Variants in GMDS observed in about 807,000 individuals in gnomAD.
GMDS encodes the protein GDP-mannose 4,6 dehydratase.
A neutral mutation model predicts 49.9 loss-of-function variants in GMDS; 20 were observed. That is an observed-to-expected ratio of 0.40 (90% confidence interval 0.28 to 0.58). GMDS has a LOEUF of 0.58. Ranked by LOEUF, GMDS falls within the 20% of genes least tolerant of loss-of-function variation. GMDS has a pLI of 0.42. For synonymous variants in GMDS, 177 were observed against 178.6 expected (o/e 0.99, Z 0.07); for missense variants, 362 against 481.4 (o/e 0.75, Z 2.32).
At chr6:1,671,629 GC>G (rs1350661531) in intron 9 of GMDS, among the ~76,000 whole-genome samples, 1 of 151,358 alleles carries the variant, frequency 6.6e-6, no homozygotes, top group African/African-American at 2.4e-5. Flanking sequence ...TAAGGTTGGT[GC>G]AAAAGTAATC....
rs56167840 is a variant in GMDS at position 1,888,134 on chromosome 6, A to ATTT, written c.771+41966_771+41968dup. On this transcript the variant is annotated intron_variant, in intron 7 of 10. Coordinates refer to ENST00000380815, the MANE Select transcript of GMDS (RefSeq NM_001500.4). ...TGGCTATTTTTTTATTATTATTATT[A>ATTT]TTTTTTTTTTTTTTTTGAAGAGATG... is the stretch of plus-strand genomic sequence containing the variant. 6.1e-3 allele frequency among the ~76,000 whole-genome samples: 864 copies of ATTT among 140,508 alleles called. 11 individuals are homozygous for ATTT. Among genetic ancestry groups the ATTT allele is most frequent in the Non-Finnish European group, 9.1e-3 (590 of 64,974 alleles). The allele number at this position is 140,508 out of a possible 152,430, so 92.2% of individuals were successfully genotyped here. A position where few individuals can be genotyped will look rare whatever the true frequency, so the allele number is the denominator to read the frequency against.
At chr6:2,166,361 A>G (rs888711623) in intron 1 of GMDS, among the ~76,000 whole-genome samples, 3 of 152,232 alleles carry the variant, frequency 2.0e-5, no homozygotes, top group Non-Finnish European at 2.9e-5. Flanking sequence ...AATGGCTGTC[A>G]GTTTCTGTGC....
rs1197523577 is a variant in GMDS at position 1,819,760 on chromosome 6, C to CAAA, written c.772-77177_772-77175dup. ...TAGGCAATAAAGTGAGACTCTGCCT[C>CAAA]AAAAAAAAAAAAAAAAATATATATA... On this transcript the variant is annotated intron_variant, in intron 7 of 10. Transcript: ENST00000380815. 2.9e-3 allele frequency among the ~76,000 whole-genome samples: 321 copies of CAAA among 111,318 alleles called. 1 individual carries two copies. The highest frequency in any genetic ancestry group is 0.019 in the Middle Eastern group (4 of 208). The allele number at this position is 111,318 out of a possible 152,430, so 73.0% of individuals were successfully genotyped here.
At chr6:2,148,942 G>A (rs1000526208) in intron 1 of GMDS, among the ~76,000 whole-genome samples, 1 of 152,128 alleles carries the variant, frequency 6.6e-6, no homozygotes, top group Non-Finnish European at 1.5e-5. Flanking sequence ...TACCCTAGAG[G>A]TACAACATGC....
intron 7 of GMDS, among the ~76,000 whole-genome samples, chr6:1,835,272 T>C (rs1468329447): frequency 6.6e-6 from 1 of 151,862 alleles, no homozygotes; most frequent in African/African-American, 2.4e-5. Context: ...TGGGATAGGG[T>C]GGAGGTGGCT....
intron 9 of GMDS, among the ~76,000 whole-genome samples, chr6:1,661,066 G>A (rs897411675): frequency 2.0e-5 from 3 of 152,028 alleles, no homozygotes; most frequent in African/African-American, 7.3e-5. Context: ...GGCATCTAAG[G>A]ATCAGAGTTC....
intron 7 of GMDS, among the ~76,000 whole-genome samples, chr6:1,743,009 T>C (rs922195215): frequency 2.4e-4 from 37 of 152,126 alleles, no homozygotes; most frequent in African/African-American, 8.2e-4. Flanking sequence ...TCATAGATAG[T>C]AGTCAAGGAA....
chr6:2,154,485 T>G (rs1777002748), intron 1 of GMDS, among the ~76,000 whole-genome samples: 1 of 152,002 alleles, frequency 6.6e-6, no homozygotes, highest in African/African-American at 2.4e-5. Context: ...TACTGGGAAG[T>G]GGTTAAAATC....
rs12205182 is a variant in GMDS at position 1,838,845 on chromosome 6, T to C, written c.771+91258A>G. 9.8e-3 allele frequency among the ~76,000 whole-genome samples: 1,498 copies of C among 152,336 alleles called. 13 individuals carry two copies. The highest frequency in any genetic ancestry group is 0.017 in the South Asian group (81 of 4,820). On this transcript the variant is annotated intron_variant, in intron 7 of 10. Transcript: ENST00000380815. ...AACATACCTATTAAAATATTACAAT[T>C]ACTCTGTTTGCTTAGTGCTCATAAG...
At chr6:1,765,642 G>A (rs902205985) in intron 7 of GMDS, among the ~76,000 whole-genome samples, 3 of 152,186 alleles carry the variant, frequency 2.0e-5, no homozygotes, top group Admixed American at 1.3e-4. Flanking sequence ...CGCGGCGGCT[G>A]AGCAGGAACA....
At chr6:2,016,311 AAAAC>A (rs1767899485) in intron 4 of GMDS, among the ~76,000 whole-genome samples, 1 of 151,912 alleles carries the variant, frequency 6.6e-6, no homozygotes, top group African/African-American at 2.4e-5. Context: ...AATTGTCCAG[AAAAC>A]AAACAAACAA....
chr6:1,991,719 G>A (rs1428128305), intron 4 of GMDS, among the ~76,000 whole-genome samples: 1 of 152,258 alleles, frequency 6.6e-6, no homozygotes, highest in South Asian at 2.1e-4. Context: ...ATTGAACAGT[G>A]TCCCCCCAGA....
At position 2,150,865 on chromosome 6, in the gene GMDS, T is replaced by C. The variant is rs978362527; in HGVS notation, c.103-26134A>G. Among the ~76,000 whole-genome samples, 4 of 152,198 alleles carry C rather than the reference T, an allele frequency of 2.6e-5. No individual in the cohort carries two copies. In the East Asian group the frequency reaches 7.7e-4, roughly 29 times the overall value. The stretch of plus-strand genomic sequence containing the variant: ...GCTATCTCTATTCCACAAAAATTTA[T>C]ACAGACCACAGTCAAAGTTCACAGC... On this transcript the variant is annotated intron_variant, in intron 1 of 10. Coordinates refer to ENST00000380815, the MANE Select transcript of GMDS (RefSeq NM_001500.4).
intron 4 of GMDS, among the ~76,000 whole-genome samples, chr6:2,113,921 A>G (rs1581668563): frequency 1.3e-5 from 2 of 152,140 alleles, no homozygotes; most frequent in East Asian, 1.9e-4. Context: ...CAGCCAAAAT[A>G]CCATAAAAAA....
At chr6:2,125,906 T>C (rs1479679236) in intron 1 of GMDS, among the ~76,000 whole-genome samples, 1 of 152,230 alleles carries the variant, frequency 6.6e-6, no homozygotes, top group Non-Finnish European at 1.5e-5. Flanking sequence ...AAAAAGAAGA[T>C]ATTCTCTTTT....
At chr6:1,685,419 T>C (rs921355257) in intron 9 of GMDS, among the ~76,000 whole-genome samples, 4 of 152,202 alleles carry the variant, frequency 2.6e-5, no homozygotes, top group East Asian at 1.9e-4. Flanking sequence ...GGCACTGCTA[T>C]TGCTCTTCTG....
chr6:2,155,068 T>G (rs989079889), intron 1 of GMDS, among the ~76,000 whole-genome samples: 2 of 152,124 alleles, frequency 1.3e-5, no homozygotes, highest in African/African-American at 4.8e-5. Context: ...GTATCATACT[T>G]CATTTTTTAT....
At chr6:1,914,020 C>T (rs904078615) in intron 7 of GMDS, among the ~76,000 whole-genome samples, 5 of 151,544 alleles carry the variant, frequency 3.3e-5, no homozygotes, top group Non-Finnish European at 5.9e-5. Flanking sequence ...GGGAGAAATG[C>T]TACTAGCAAT....
chr6:2,136,842 G>A (rs1158452445), intron 1 of GMDS, among the ~76,000 whole-genome samples: 1 of 150,872 alleles, frequency 6.6e-6, no homozygotes, highest in African/African-American at 2.4e-5. Flanking sequence ...GTTCAAGACT[G>A]CAGTGAACTA....
Sources: gnomAD v4.1 joint callset for allele counts (sites outside exome capture counted in the v4.1 genomes callset) on GRCh38, gnomAD v4.1.1 for gene constraint, MANE v1.5 for transcripts, NCBI Gene and HGNC (gene_info 2026-07-23, HGNC 2026-07-21) for gene names.